BBS9: variants seen among roughly 807,000 people sequenced by gnomAD.
BBS9 encodes the protein protein PTHB1.
BBS9 carries 89 observed loss-of-function variants against 117.7 expected under a neutral mutation model. That is an observed-to-expected ratio of 0.76 (90% CI 0.64 to 0.90). BBS9 has a LOEUF of 0.90. Among genes scored for constraint, BBS9 ranks in the 40% least tolerant of loss-of-function variants. BBS9 has a pLI of 0.00. For synonymous variants in BBS9, 379 were observed against 370.9 expected (o/e 1.02, Z -0.25); for missense variants, 982 against 1,042.2 (o/e 0.94, Z 0.80).
intron 19 of BBS9, among the ~76,000 whole-genome samples, chr7:33,419,475 G>T (rs572584285): frequency 1.3e-5 from 2 of 152,112 alleles, no homozygotes; most frequent in East Asian, 1.9e-4. Flanking sequence ...AAATGTAATG[G>T]TTTTCTAATT....
At chr7:33,560,194 T>G (rs1184494932) in intron 21 of BBS9, among the ~76,000 whole-genome samples, 1 of 152,194 alleles carries the variant, frequency 6.6e-6, no homozygotes, top group Non-Finnish European at 1.5e-5. Flanking sequence ...TGGTAGATGC[T>G]TGCTGCAGGA....
At chr7:33,371,436 G>C (rs751418903) in intron 17 of BBS9, among the ~76,000 whole-genome samples, 3 of 152,156 alleles carry the variant, frequency 2.0e-5, no homozygotes, top group Non-Finnish European at 2.9e-5. Context: ...ACTCAGAATT[G>C]AGATGTAGGA....
chr7:33,159,420 AC>A (rs1794524119), intron 4 of BBS9, among the ~76,000 whole-genome samples: 1 of 152,094 alleles, frequency 6.6e-6, no homozygotes, highest in Non-Finnish European at 1.5e-5. Context: ...GAAAAACAAA[AC>A]CTGGTCTGTT....
chr7:33,220,840 A>C (rs916910954), intron 5 of BBS9, among the ~76,000 whole-genome samples: 2 of 152,250 alleles, frequency 1.3e-5, no homozygotes, highest in African/African-American at 4.8e-5. Flanking sequence ...CCACCTTTTA[A>C]ATACAAGTTT....
At chr7:33,170,645 A>G (rs1362599751) in intron 4 of BBS9, among the ~76,000 whole-genome samples, 2 of 151,536 alleles carry the variant, frequency 1.3e-5, no homozygotes, top group Non-Finnish European at 2.9e-5. Context: ...TTCAATTAGG[A>G]AAAAAGGAAG....
chr7:33,519,110 C>T (rs886162504), intron 20 of BBS9, among the ~76,000 whole-genome samples: 1 of 151,926 alleles, frequency 6.6e-6, no homozygotes, highest in Non-Finnish European at 1.5e-5. Flanking sequence ...AGAAAAGAAA[C>T]CTGTACTGCT....
intron 1 of BBS9, among the ~76,000 whole-genome samples, chr7:33,143,746 G>A (rs770204779): frequency 3.3e-5 from 5 of 151,558 alleles, no homozygotes; most frequent in Non-Finnish European, 5.9e-5. Context: ...TTGTATTTTA[G>A]TAGAGATGAG....
chr7:33,455,738 C>T (rs1287548859), intron 19 of BBS9, among the ~76,000 whole-genome samples: 1 of 152,114 alleles, frequency 6.6e-6, no homozygotes, highest in Non-Finnish European at 1.5e-5. Flanking sequence ...TGAATTGGGT[C>T]CCCAGCTAAC....
At chr7:33,605,019 G>A (rs1192773879) in intron 22 of BBS9, 44 bp downstream of exon 22, 3 of 1,535,414 alleles carry the variant, frequency 2.0e-6, no homozygotes, top group East Asian at 4.5e-5. Context: ...TAAGTCAGAA[G>A]CAGTGACAAT....
intron 9 of BBS9, among the ~76,000 whole-genome samples, chr7:33,326,433 G>A (rs1812869921): frequency 6.6e-6 from 1 of 152,094 alleles, no homozygotes; most frequent in Admixed American, 6.5e-5. Flanking sequence ...CGAGAGCCAA[G>A]GATTAGAATT....
chr7:33,238,629 G>T (rs1447240481), intron 5 of BBS9, among the ~76,000 whole-genome samples: 1 of 151,974 alleles, frequency 6.6e-6, no homozygotes, highest in Non-Finnish European at 1.5e-5. Flanking sequence ...CATGCTCATT[G>T]TAGAAAACTT....
rs183351447 is a variant in BBS9 at position 33,312,621 on chromosome 7, C to G, written c.1017-23820C>G. Among the ~76,000 whole-genome samples, 3 of 152,244 alleles carry G rather than the reference C, an allele frequency of 2.0e-5. No individual in the cohort carries two copies. The East Asian group carries it at 5.8e-4, about 29-fold the overall frequency. ...ACCTTTCATTTTTATCATAATTTTT[C>G]CATTTCAAGCCTCTTGGGGAGAAAT... On this transcript the variant is annotated intron_variant, in intron 9 of 22. Transcript: ENST00000242067.
At chr7:33,321,694 T>C (rs1039864542) in intron 9 of BBS9, among the ~76,000 whole-genome samples, 1 of 152,098 alleles carries the variant, frequency 6.6e-6, no homozygotes, top group African/African-American at 2.4e-5. Flanking sequence ...TCTCTTCCAA[T>C]TTTGGATGAA....
In BBS9 at chr7:33,264,329, G is replaced by T. The variant is rs1307359911; in HGVS notation, c.657G>T (p.Arg219Ser). ...CTTTTGCAACAGATGCAGATAAAAGGCAGGAGACTGAACAGCAAAAACTTG... is the reference window on the plus strand; with the variant it reads ...CTTTTGCAACAGATGCAGATAAAAGTCAGGAGACTGAACAGCAAAAACTTG... The part of the protein sequence containing the change: ...VLAFATDADK[R>S]QETEQQKLGS... The change falls in exon 7 of 23, where the codon AGG becomes AGT. Residue 219 changes from arginine to serine, a missense_variant. Physicochemically the swap from Arg to Ser is moderately radical, Grantham distance 110. Coordinates refer to ENST00000242067, the MANE Select transcript of BBS9 (RefSeq NM_198428.3). 1.1e-5 allele frequency: 18 copies of T among 1,575,300 alleles called. No homozygotes were observed. Among genetic ancestry groups the T allele is most frequent in the Admixed American group, 1.7e-5 (1 of 58,614 alleles).
chr7:33,351,422 AT>A (rs775982298), intron 14 of BBS9, 99 bp downstream of exon 14: 87 of 838,498 alleles, frequency 1.0e-4, no homozygotes, highest in Non-Finnish European at 1.8e-4. Flanking sequence ...ATATCATTAA[AT>A]GAGAAAATGT....
intron 9 of BBS9, among the ~76,000 whole-genome samples, chr7:33,286,157 G>A (rs764041): frequency 0.83 from 125,780 of 151,946 alleles, 52,101 homozygotes; most frequent in Admixed American, 0.86. Flanking sequence ...ATTACCACAT[G>A]TTTCCACTGA....
At chr7:33,372,018 G>C (rs1034556924) in intron 17 of BBS9, among the ~76,000 whole-genome samples, 2 of 152,190 alleles carry the variant, frequency 1.3e-5, no homozygotes, top group African/African-American at 4.8e-5. Context: ...CTGATACATG[G>C]TGAAAAATTA....
At chr7:33,144,847 A>G (rs1044693736) in intron 1 of BBS9, among the ~76,000 whole-genome samples, 1 of 152,164 alleles carries the variant, frequency 6.6e-6, no homozygotes, top group African/African-American at 2.4e-5. Flanking sequence ...TTTCCCTGGT[A>G]TATTAAATGT....
intron 9 of BBS9, among the ~76,000 whole-genome samples, chr7:33,328,209 T>C (rs1813239849): frequency 6.6e-6 from 1 of 152,202 alleles, no homozygotes; most frequent in Admixed American, 6.5e-5. Context: ...ACCTTCTGCA[T>C]CCTCTGCCCT....
Sources: gnomAD v4.1 joint callset for allele counts (sites outside exome capture counted in the v4.1 genomes callset) on GRCh38, gnomAD v4.1.1 for gene constraint, MANE v1.5 for transcripts, NCBI Gene and HGNC (gene_info 2026-07-23, HGNC 2026-07-21) for gene names.